SUPT6H: variants seen among roughly 807,000 people sequenced by gnomAD.
SUPT6H encodes the protein transcription elongation factor SPT6.
A neutral mutation model predicts 222.3 loss-of-function variants in SUPT6H; 11 were observed. That is an observed-to-expected ratio of 0.05 (90% CI 0.03 to 0.08). SUPT6H has a LOEUF of 0.08. SUPT6H is among the 10% of genes least tolerant of loss of function. The pLI is 1.00. For synonymous variants in SUPT6H, 762 were observed against 801.2 expected (o/e 0.95, Z 0.83); for missense variants, 1,422 against 2,216.0 (o/e 0.64, Z 7.19).
At position 28,680,794 on chromosome 17, in the gene SUPT6H, C is replaced by T. The variant is rs912882453; in HGVS notation, c.1350-462C>T. Among the ~76,000 whole-genome samples the T allele has an allele frequency of 3.9e-5, 6 of 152,076 alleles. No individual in the cohort carries two copies. In the East Asian group the frequency reaches 7.7e-4, roughly 20 times the overall value. On this transcript the variant is annotated intron_variant, in intron 11 of 36. Transcript: ENST00000314616. ...TCCCAAGTAGCTGGGACTACAGGCA[C>T]CTGCCACTATACCCTGCTAGTTTTT...
Position 28,673,729 on chromosome 17 carries a change from A to G in SUPT6H, c.109+219A>G, listed in dbSNP as rs78691858. ...AATATAAAACAATAAATATCCAGCT[A>G]TTGTGGAGTTTACTTTAGTTGGGGG... On this transcript the variant is annotated intron_variant, in intron 2 of 36. Transcript: ENST00000314616. 8.4e-4 allele frequency: 439 copies of G among 524,254 alleles called. 3 individuals are homozygous for G. The East Asian group carries it at 0.012, about 15-fold the overall frequency. 32.5% of individuals were successfully genotyped at this position (524,254 alleles called of 1,614,324 possible).
intron 29 of SUPT6H, among the ~76,000 whole-genome samples, chr17:28,695,989 AC>A (rs2151660533): frequency 1.3e-5 from 2 of 151,836 alleles, no homozygotes; most frequent in African/African-American, 4.8e-5. Flanking sequence ...TTAGTAAGAC[AC>A]CATCTCTACA....
intron 11 of SUPT6H, among the ~76,000 whole-genome samples, chr17:28,679,347 T>C (rs1235912990): frequency 2.0e-5 from 3 of 151,822 alleles, no homozygotes; most frequent in African/African-American, 7.3e-5. Context: ...CTCTCCAGCC[T>C]GGGCAACAGA....
rs746135781 is a variant in SUPT6H at position 28,684,605 on chromosome 17, A to G, written c.2249A>G (p.Tyr750Cys). 6.2e-6 allele frequency: 10 copies of G among 1,614,112 alleles called. No individual in the cohort carries two copies. Among genetic ancestry groups the G allele is most frequent in the Non-Finnish European group, 8.5e-6 (10 of 1,180,032 alleles). The change falls in exon 18 of 37, where the codon TAC becomes TGC. Residue 750 changes from tyrosine to cysteine, a missense_variant. Tyr to Cys is a radical substitution (Grantham distance 194, BLOSUM62 -2). This residue lies in a region of SUPT6H where 294 missense variants were observed against 382.1 expected (regional missense o/e 0.77). Transcript: ENST00000314616. ...CCTCAGGCCTGTAGTCGAAAGCTCT[A>G]CAATTGGTTGAGAGTGGCACCCTAC... ...YVIKACSRKL[Y>C]NWLRVAPYRP...
Position 28,681,298 on chromosome 17 carries a change from C to T in SUPT6H, c.1392C>T (p.Tyr464=). ...CAATGGATGAGCTGAAAGATGTCTA[C>T]AACCATTTTCTTCTTTATTATGGCC... ...VQSMDELKDV[Y]NHFLLYYGRD... Residue 464 remains tyrosine, a synonymous_variant, in exon 12 of 37, where the codon TAC becomes TAT. Transcript: ENST00000314616. 1 of 1,614,062 alleles carries T rather than the reference C, an allele frequency of 6.2e-7. No homozygotes were observed. Among genetic ancestry groups the T allele is most frequent in the East Asian group, 2.2e-5 (1 of 44,890 alleles).
chr17:28,700,568 C>G, intron 35 of SUPT6H, 56 bp downstream of exon 35: 1 of 1,576,732 alleles, frequency 6.3e-7, no homozygotes, highest in Admixed American at 1.8e-5. Flanking sequence ...AGACTGCCCT[C>G]TCGCATTGCC....
chr17:28,682,350 G>T (rs1337229854), intron 13 of SUPT6H, among the ~76,000 whole-genome samples: 1 of 152,092 alleles, frequency 6.6e-6, no homozygotes, highest in Non-Finnish European at 1.5e-5. Flanking sequence ...CTCTAGCTGG[G>T]CACAGTGGCT....
chr17:28,664,189 A>T (rs947406268), intron 1 of SUPT6H, among the ~76,000 whole-genome samples: 1 of 152,000 alleles, frequency 6.6e-6, no homozygotes, highest in Admixed American at 6.6e-5. Flanking sequence ...CTCATTTGCT[A>T]GCAACTTTTG....
Position 28,701,100 on chromosome 17 carries a change from A to G in SUPT6H, c.4966A>G (p.Ser1656Gly). The change falls in exon 36 of 37, where the codon AGC (serine) becomes GGC (glycine). Residue 1656 changes from serine (S) to glycine (G), a missense_variant. By Grantham distance (56) the Ser-to-Gly change is moderately conservative. This residue lies in a region of SUPT6H where 395 missense variants were observed against 580.6 expected (regional missense o/e 0.68). Transcript: ENST00000314616. Reference protein sequence around the residue: ...SAQAQPQPSSSSRQRQQQPKS... With the variant: ...SAQAQPQPSSGSRQRQQQPKS... ...CCAGGCCCAGCCCCAGCCCTCTTCC[A>G]GCTCCCGGCAACGGCAGCAGCAGCC... The G allele has an allele frequency of 6.2e-7, 1 of 1,612,262 alleles. No individual in the cohort carries two copies. Among genetic ancestry groups the G allele is most frequent in the Non-Finnish European group, 8.5e-7 (1 of 1,179,538 alleles).
chr17:28,669,198 G>GT (rs377085961), intron 1 of SUPT6H, among the ~76,000 whole-genome samples: 12 of 152,110 alleles, frequency 7.9e-5, no homozygotes. Context: ...AGTTTTTTGG[G>GT]TTTTTTTGTT....
chr17:28,664,959 T>G (rs776360524), intron 1 of SUPT6H, among the ~76,000 whole-genome samples: 2 of 152,218 alleles, frequency 1.3e-5, no homozygotes, highest in African/African-American at 4.8e-5. Flanking sequence ...TTTTACCACC[T>G]TATTCCAAGC....
intron 1 of SUPT6H, among the ~76,000 whole-genome samples, chr17:28,670,700 A>G (rs1306564427): frequency 6.6e-6 from 1 of 152,178 alleles, no homozygotes; most frequent in Non-Finnish European, 1.5e-5. Context: ...CAGCCTGACC[A>G]ACATGGAGAA....
In SUPT6H at chr17:28,688,295, T is replaced by C; in HGVS notation, c.3134+77T>C. 1 of 1,501,056 alleles carries C rather than the reference T, an allele frequency of 6.7e-7. No homozygotes were observed. 93.0% of individuals were successfully genotyped at this position (1,501,056 alleles called of 1,614,324 possible). Reference sequence around the variant, plus strand: ...TTTCGGGTTTCAGGGGTTAGGGCTATCAAAGGGCCACAAGCCATTTTAACT... The same window carrying C: ...TTTCGGGTTTCAGGGGTTAGGGCTACCAAAGGGCCACAAGCCATTTTAACT... On this transcript the variant is annotated intron_variant, in intron 24 of 36. Transcript: ENST00000314616. This position sits in a 1 kb window ranked among gnomAD's most constrained non-coding sequence, Gnocchi z 4.3.
chr17:28,669,491 G>A (rs1049186693), intron 1 of SUPT6H, among the ~76,000 whole-genome samples: 1 of 152,170 alleles, frequency 6.6e-6, no homozygotes, highest in African/African-American at 2.4e-5. Context: ...AATAATAATA[G>A]TTTTTAAAAC....
At chr17:28,686,462 C>T (rs1429381496) in intron 20 of SUPT6H, 47 bp downstream of exon 20, 4 of 1,594,464 alleles carry the variant, frequency 2.5e-6, no homozygotes, top group Middle Eastern at 1.7e-4. Context: ...TGACCCAACT[C>T]ATCCCTTATT....
At chr17:28,699,265 T>TG (rs1354510899) in intron 32 of SUPT6H, among the ~76,000 whole-genome samples, 1 of 152,188 alleles carries the variant, frequency 6.6e-6, no homozygotes. Flanking sequence ...GGTAACTTGG[T>TG]GCAGCGTGTC....
At chr17:28,675,605 C>A in intron 6 of SUPT6H, 120 bp downstream of exon 6, 1 of 1,014,678 alleles carries the variant, frequency 9.9e-7, no homozygotes, top group Non-Finnish European at 1.5e-6. Context: ...TTTTGCTTCC[C>A]TGCCTCAAAT....
intron 7 of SUPT6H, 126 bp downstream of exon 7, chr17:28,676,556 G>T: frequency 2.1e-6 from 3 of 1,416,424 alleles, no homozygotes; most frequent in South Asian, 1.3e-5. Flanking sequence ...CTGGGGCCTG[G>T]GAAATCCAGC....
chr17:28,696,954 A>T lies in SUPT6H; in HGVS notation c.4081A>T (p.Ser1361Cys). ...GGGTGATGTGATTATCCGACCAAGC[A>T]GCAAGGGCGAGAACCACCTGACAGT... Reference protein sequence around the residue: ...DQGDVIIRPSSKGENHLTVTW... With the variant: ...DQGDVIIRPSCKGENHLTVTW... Residue 1361 changes from serine to cysteine, a missense_variant, in exon 30 of 37, where the codon AGC becomes TGC. Ser to Cys is a moderately radical substitution (Grantham distance 112). Around this residue, in one of 13 missense-constraint regions of SUPT6H, gnomAD observed 395 missense variants for 580.6 expected, o/e 0.68. Transcript: ENST00000314616. 2 of 1,614,122 alleles carry T rather than the reference A, an allele frequency of 1.2e-6. No individual in the cohort carries two copies. Among genetic ancestry groups the T allele is most frequent in the South Asian group, 2.2e-5 (2 of 91,082 alleles).
Sources: allele counts gnomAD v4.1 joint callset (sites outside exome capture counted in the v4.1 genomes callset), GRCh38; gene constraint gnomAD v4.1.1; regional missense constraint gnomAD v4.1.1; non-coding constraint Gnocchi (gnomAD v3.1); transcripts MANE v1.5; gene names NCBI Gene and HGNC (gene_info 2026-07-23, HGNC 2026-07-21).